The following RBM33 variants were observed in gnomAD, a reference collection of about 807,000 sequenced individuals.
RBM33 encodes the protein RNA-binding protein 33.
RBM33 carries 28 observed loss-of-function variants against 132.6 expected under a neutral mutation model. That is an observed-to-expected ratio of 0.21 (90% confidence interval 0.16 to 0.29). The LOEUF (loss-of-function observed/expected upper bound fraction) is 0.29. Ranked by LOEUF, RBM33 falls within the 10% of genes least tolerant of loss-of-function variation. RBM33 has a pLI of 1.00. For synonymous variants in RBM33, 634 were observed against 593.0 expected (o/e 1.07, Z -1.01); for missense variants, 1,291 against 1,518.5 (o/e 0.85, Z 2.49).
chr7:155,661,094 T>TG (rs1393362340), intron 1 of RBM33, among the ~76,000 whole-genome samples: 191 of 138,518 alleles, frequency 1.4e-3, no homozygotes, highest in African/African-American at 5.1e-3. Context: ...TGTGTGTGTG[T>TG]GTGGTGTGTG....
chr7:155,650,675 T>C (rs73165193), intron 1 of RBM33, among the ~76,000 whole-genome samples: 9,836 of 152,276 alleles, frequency 0.065, 482 homozygotes, highest in African/African-American at 0.14. Flanking sequence ...GAAGAACTCT[T>C]TTCTCCAGAG....
chr7:155,661,319 A>G (rs1185364616), intron 1 of RBM33, among the ~76,000 whole-genome samples: 1 of 149,972 alleles, frequency 6.7e-6, no homozygotes, highest in Non-Finnish European at 1.5e-5. Flanking sequence ...TTGTATTTTT[A>G]GTAGAGACAG....
intron 16 of RBM33, among the ~76,000 whole-genome samples, chr7:155,769,812 C>T (rs1189065080): frequency 6.6e-6 from 1 of 152,160 alleles, no homozygotes; most frequent in Non-Finnish European, 1.5e-5. Flanking sequence ...CAGTGTCAGA[C>T]ACGGATTCCA....
intron 14 of RBM33, 51 bp from the exon 15 acceptor site, chr7:155,763,761 C>T: frequency 6.5e-7 from 1 of 1,541,836 alleles, no homozygotes; most frequent in Admixed American, 1.9e-5. Context: ...TGGGGAGGAG[C>T]TTTTGGTGGA....
intron 9 of RBM33, among the ~76,000 whole-genome samples, chr7:155,733,051 G>A (rs1437754696): frequency 1.3e-5 from 2 of 152,134 alleles, no homozygotes; most frequent in Non-Finnish European, 2.9e-5. Flanking sequence ...AGTGAAGCAG[G>A]GTCAGGAGGA....
At chr7:155,716,316 G>GTTTTTTTTTTTGTTTTTT (rs1800461274) in intron 8 of RBM33, among the ~76,000 whole-genome samples, 9 of 102,380 alleles carry the variant, frequency 8.8e-5, no homozygotes, top group Non-Finnish European at 1.7e-4. Flanking sequence ...CTTTTCTGCT[G>GTTTTTTTTTTTGTTTTTT]TTTTTTTTTT....
intron 13 of RBM33, among the ~76,000 whole-genome samples, chr7:155,742,353 C>T (rs765836519): frequency 3.3e-5 from 5 of 151,526 alleles, no homozygotes; most frequent in African/African-American, 4.9e-5. Flanking sequence ...TGATATATAC[C>T]GGGGCTTAAC....
In RBM33 at chr7:155,713,146, G is replaced by T. The variant is rs1800355333; in HGVS notation, c.1201+1691G>T. Among the ~76,000 whole-genome samples the T allele has an allele frequency of 2.0e-5, 3 of 152,236 alleles. No homozygotes were observed. In the South Asian group the frequency reaches 6.2e-4, roughly 32 times the overall value. On this transcript the variant is annotated intron_variant, in intron 8 of 17. Transcript: ENST00000401878. ...GCCCAGGTGACCAGAGCATTTAGAG[G>T]GCTGGTCTGGTTGCCATCACCTGAG... is the stretch of plus-strand genomic sequence containing the variant.
At chr7:155,704,836 G>A (rs1432404496) in intron 6 of RBM33, among the ~76,000 whole-genome samples, 1 of 152,100 alleles carries the variant, frequency 6.6e-6, no homozygotes, top group Non-Finnish European at 1.5e-5. Flanking sequence ...GTGGGAAAGA[G>A]ATTTCTCGGT....
rs1340104474 is a variant in RBM33 at position 155,735,781 on chromosome 7, C to T, written c.1261-1749C>T. On this transcript the variant is annotated intron_variant, in intron 9 of 17. Coordinates refer to ENST00000401878, the MANE Select transcript of RBM33 (RefSeq NM_053043.3). ...AGAGATCCATATCAAAGCATTATAT[C>T]AGTGAATTTTCAAATTAATTAGGGG... Among the ~76,000 whole-genome samples, 3 of 152,024 alleles carry T rather than the reference C, an allele frequency of 2.0e-5. No individual in the cohort carries two copies. The South Asian group carries it at 6.2e-4, about 32-fold the overall frequency.
chr7:155,724,058 G>A (rs536047282), intron 9 of RBM33, among the ~76,000 whole-genome samples: 1 of 152,282 alleles, frequency 6.6e-6, no homozygotes, highest in East Asian at 1.9e-4. Flanking sequence ...GTTGGACACA[G>A]TTTAAAGTCT....
chr7:155,757,215 A>G (rs1801879686), intron 14 of RBM33, among the ~76,000 whole-genome samples: 2 of 152,184 alleles, frequency 1.3e-5, no homozygotes, highest in African/African-American at 4.8e-5. Context: ...ACCTGATCCA[A>G]ACTACGCTCC....
intron 3 of RBM33, among the ~76,000 whole-genome samples, chr7:155,676,201 A>G (rs186214905): frequency 3.9e-5 from 6 of 152,326 alleles, no homozygotes; most frequent in Non-Finnish European, 8.8e-5. Context: ...TCAGACTGTC[A>G]GGGACAAGTT....
intron 3 of RBM33, 22 bp downstream of exon 3, chr7:155,672,937 GAGATGAAATACTAGTCATTTAA>G (rs1401074961): frequency 9.8e-5 from 145 of 1,481,256 alleles, no homozygotes; most frequent in Non-Finnish European, 1.3e-4. Context: ...ATGTCCTTCT[GAGATGAAATACTAGTCATTTAA>G]TTATACTTAA....
intron 13 of RBM33, 57 bp downstream of exon 13, chr7:155,742,163 A>C: frequency 3.4e-6 from 5 of 1,482,316 alleles, no homozygotes; most frequent in Non-Finnish European, 4.5e-6. Flanking sequence ...CTTAGAATCA[A>C]CTTGGATGTC....
At chr7:155,698,967 AG>A (rs1799879548) in intron 5 of RBM33, among the ~76,000 whole-genome samples, 1 of 152,214 alleles carries the variant, frequency 6.6e-6, no homozygotes, top group Admixed American at 6.5e-5. Context: ...ATTTTCCTAT[AG>A]GTCTATTTGA....
At chr7:155,669,953 C>T (rs938379680) in intron 2 of RBM33, among the ~76,000 whole-genome samples, 3 of 152,268 alleles carry the variant, frequency 2.0e-5, no homozygotes, top group African/African-American at 4.8e-5. Flanking sequence ...TCCTGGAGGA[C>T]GCAATCCAGC....
chr7:155,729,212 G>C (rs970563855), intron 9 of RBM33, among the ~76,000 whole-genome samples: 2 of 152,028 alleles, frequency 1.3e-5, no homozygotes, highest in African/African-American at 4.8e-5. Flanking sequence ...TGAGAACAGC[G>C]TGGGGGAAAC....
chr7:155,756,185 A>G (rs1801844602), intron 14 of RBM33, among the ~76,000 whole-genome samples: 1 of 152,240 alleles, frequency 6.6e-6, no homozygotes, highest in Non-Finnish European at 1.5e-5. Flanking sequence ...GGATGTTAAG[A>G]TAACAGCCTT....
Sources: allele counts gnomAD v4.1 joint callset (sites outside exome capture counted in the v4.1 genomes callset), GRCh38; gene constraint gnomAD v4.1.1; transcripts MANE v1.5; gene names NCBI Gene and HGNC (gene_info 2026-07-23, HGNC 2026-07-21).